GRIK2: variants seen among roughly 807,000 people sequenced by gnomAD.
The protein encoded by GRIK2 is glutamate ionotropic receptor kainate type subunit 2, also known as glutamate receptor ionotropic, kainate 2.
Under a neutral mutation model 100.3 loss-of-function variants are expected in GRIK2, and 32 were observed. The ratio of observed to expected loss-of-function variants is 0.32; its 90% CI spans 0.24 to 0.43. GRIK2 has a LOEUF of 0.43. Ranked by LOEUF, GRIK2 falls within the 20% of genes least tolerant of loss-of-function variation. The pLI is 1.00. For synonymous variants in GRIK2, 417 were observed against 389.4 expected (o/e 1.07, Z -0.83); for missense variants, 843 against 1,114.9 (o/e 0.76, Z 3.47).
At position 101,983,404 on chromosome 6, in the gene GRIK2, A is replaced by G. The variant is rs376969310; in HGVS notation, c.2086-51937A>G. On this transcript the variant is annotated intron_variant, in intron 14 of 16. Coordinates refer to ENST00000369134, the MANE Select transcript of GRIK2 (RefSeq NM_021956.5). ...GTAATACAAGCAGAGTATTGCCACAATGTCTCTAATCACCGGTTTTTTATT... is the reference window on the plus strand; with the variant it reads ...GTAATACAAGCAGAGTATTGCCACAGTGTCTCTAATCACCGGTTTTTTATT... 6.6e-5 allele frequency among the ~76,000 whole-genome samples: 10 copies of G among 151,846 alleles called. No homozygotes were observed. In the East Asian group the frequency reaches 1.2e-3, roughly 18 times the overall value.
chr6:101,730,460 C>G (rs1421020514), intron 7 of GRIK2, among the ~76,000 whole-genome samples: 1 of 151,826 alleles, frequency 6.6e-6, no homozygotes, highest in African/African-American at 2.4e-5. Context: ...AATTACATTC[C>G]CTTTTTTCCC....
At chr6:101,646,638 T>C (rs1373590007) in intron 4 of GRIK2, among the ~76,000 whole-genome samples, 1 of 151,974 alleles carries the variant, frequency 6.6e-6, no homozygotes, top group East Asian at 1.9e-4. Flanking sequence ...AATATTTCTG[T>C]AAATATTCTT....
intron 4 of GRIK2, among the ~76,000 whole-genome samples, chr6:101,666,076 A>G (rs1257336787): frequency 5.9e-5 from 9 of 152,186 alleles, no homozygotes; most frequent in Non-Finnish European, 1.2e-4. Flanking sequence ...TTCTGACACC[A>G]GTTGCAATTT....
At chr6:102,008,884 GTAAA>G (rs1795378272) in intron 14 of GRIK2, among the ~76,000 whole-genome samples, 1 of 151,872 alleles carries the variant, frequency 6.6e-6, no homozygotes, top group African/African-American at 2.4e-5. Flanking sequence ...TACATATTTT[GTAAA>G]TAAATAATAT....
intron 2 of GRIK2, among the ~76,000 whole-genome samples, chr6:101,601,815 T>C (rs368524919): frequency 1.5e-4 from 23 of 151,922 alleles, no homozygotes; most frequent in East Asian, 9.8e-4. Flanking sequence ...ATTTGGAGCT[T>C]CTCTTTTTTT....
intron 14 of GRIK2, among the ~76,000 whole-genome samples, chr6:102,028,104 T>A (rs1344906154): frequency 6.6e-6 from 1 of 151,172 alleles, no homozygotes; most frequent in African/African-American, 2.4e-5. Context: ...GGTTGCAAAC[T>A]TTATTTAGTG....
At chr6:101,618,254 G>T in intron 2 of GRIK2, among the ~76,000 whole-genome samples, 1 of 151,160 alleles carries the variant, frequency 6.6e-6, no homozygotes. Flanking sequence ...TATTAGAACT[G>T]CAGTATTATC....
intron 2 of GRIK2, among the ~76,000 whole-genome samples, chr6:101,591,204 T>G (rs1012934396): frequency 6.6e-6 from 1 of 151,808 alleles, no homozygotes; most frequent in Non-Finnish European, 1.5e-5. Flanking sequence ...ATTTTTTTTT[T>G]AATTTTTCCG....
In GRIK2 at chr6:101,754,619, A is replaced by G. The variant is rs189297664; in HGVS notation, c.952-45029A>G. ...CACGAGGGAAATAGACACACATGCAATTACTATCCATAAAATGTGATGAGT... is the reference window on the plus strand; with the variant it reads ...CACGAGGGAAATAGACACACATGCAGTTACTATCCATAAAATGTGATGAGT... On this transcript the variant is annotated intron_variant, in intron 7 of 16. Transcript: ENST00000369134. Among the ~76,000 whole-genome samples the G allele has an allele frequency of 3.9e-5, 6 of 152,348 alleles. No individual in the cohort carries two copies. The East Asian group carries it at 7.7e-4, about 20-fold the overall frequency.
intron 11 of GRIK2, among the ~76,000 whole-genome samples, chr6:101,885,158 C>T (rs1786528191): frequency 6.6e-6 from 1 of 151,958 alleles, no homozygotes; most frequent in African/African-American, 2.4e-5. Flanking sequence ...TGTGAAATAA[C>T]CAGAAATAAC....
chr6:101,466,965 C>T (rs1771680758), intron 2 of GRIK2, among the ~76,000 whole-genome samples: 1 of 152,108 alleles, frequency 6.6e-6, no homozygotes, highest in South Asian at 2.1e-4. Flanking sequence ...AATTTTCTTT[C>T]TTCTGAGATT....
chr6:101,725,425 G>A (rs964362307), intron 7 of GRIK2, among the ~76,000 whole-genome samples: 1 of 151,972 alleles, frequency 6.6e-6, no homozygotes, highest in Non-Finnish European at 1.5e-5. Context: ...TTGTCTTATA[G>A]TAGAAGAAGA....
intron 12 of GRIK2, 136 bp downstream of exon 12, chr6:101,889,999 A>T (rs1363593779): frequency 3.2e-6 from 2 of 631,912 alleles, no homozygotes; most frequent in African/African-American, 1.8e-5. Flanking sequence ...ATGAAATTTT[A>T]AGAATCACAT....
chr6:101,832,973 A>G (rs1474634225), intron 10 of GRIK2, among the ~76,000 whole-genome samples: 1 of 152,214 alleles, frequency 6.6e-6, no homozygotes, highest in Non-Finnish European at 1.5e-5. Flanking sequence ...ATATTTTAAA[A>G]TAACGTTAAA....
At chr6:101,918,215 CAT>C (rs996619476) in intron 12 of GRIK2, among the ~76,000 whole-genome samples, 4 of 151,548 alleles carry the variant, frequency 2.6e-5, no homozygotes, top group African/African-American at 9.7e-5. Context: ...AAAATAAACA[CAT>C]ATTGAATTTA....
At chr6:101,757,012 C>T (rs948094300) in intron 7 of GRIK2, among the ~76,000 whole-genome samples, 24 of 152,066 alleles carry the variant, frequency 1.6e-4, no homozygotes, top group Non-Finnish European at 3.1e-4. Flanking sequence ...TAAGTAATTA[C>T]TTTGTAAAAA....
chr6:101,635,963 A>C (rs1780989578), intron 4 of GRIK2, among the ~76,000 whole-genome samples: 1 of 152,136 alleles, frequency 6.6e-6, no homozygotes, highest in Non-Finnish European at 1.5e-5. Flanking sequence ...AGGATCTAGA[A>C]CCAGAAATAC....
At chr6:101,887,381 C>T (rs954558100) in intron 11 of GRIK2, among the ~76,000 whole-genome samples, 4 of 152,022 alleles carry the variant, frequency 2.6e-5, no homozygotes, top group African/African-American at 9.7e-5. Context: ...TTGTATGTGA[C>T]AAAATTTTGC....
At chr6:101,915,182 G>A (rs1310243472) in intron 12 of GRIK2, among the ~76,000 whole-genome samples, 1 of 151,022 alleles carries the variant, frequency 6.6e-6, no homozygotes, top group Non-Finnish European at 1.5e-5. Context: ...AAGTAATATG[G>A]ATAATTTATT....
Sources: allele counts gnomAD v4.1 joint callset (sites outside exome capture counted in the v4.1 genomes callset), GRCh38; gene constraint gnomAD v4.1.1; transcripts MANE v1.5; gene names NCBI Gene and HGNC (gene_info 2026-07-23, HGNC 2026-07-21).